The following TRPM3 variants were observed in gnomAD, a reference collection of about 807,000 sequenced individuals.
The protein encoded by TRPM3 is long transient receptor potential channel 3.
In TRPM3, 77 loss-of-function variants were observed where a neutral mutation model predicts 181.2. The ratio of observed to expected loss-of-function variants is 0.42; its 90% CI spans 0.35 to 0.51. The LOEUF (loss-of-function observed/expected upper bound fraction) is 0.51. Ranked by LOEUF, TRPM3 falls within the 20% of genes least tolerant of loss-of-function variation. The pLI is 0.01. For missense variants in TRPM3, 1,759 were observed against 2,196.7 expected (o/e 0.80, Z 3.98); for synonymous variants, 745 against 796.4 (o/e 0.94, Z 1.09).
chr9:70,652,068 C>T (rs2059665850), intron 9 of TRPM3, among the ~76,000 whole-genome samples: 1 of 152,032 alleles, frequency 6.6e-6, no homozygotes, highest in African/African-American at 2.4e-5. Flanking sequence ...GTTGATATGA[C>T]AGATATTCTG....
intron 14 of TRPM3, among the ~76,000 whole-genome samples, chr9:70,623,165 G>C (rs1363868604): frequency 6.6e-6 from 1 of 152,044 alleles, no homozygotes; most frequent in Non-Finnish European, 1.5e-5. Context: ...AAGAGTTTAA[G>C]ACCAGCCTGG....
At position 71,437,405 on chromosome 9, in the gene TRPM3, G is replaced by T. The variant is rs115303630; in HGVS notation, c.183+9248C>A. On this transcript the variant is annotated intron_variant, in intron 1 of 24. Coordinates refer to the TRPM3 transcript ENST00000357533. ...TTTTTAAATGGTTAAAATATCAAAA[G>T]AATAATATTTCATAAGGTAAAAATT... 9.8e-3 allele frequency among the ~76,000 whole-genome samples: 1,484 copies of T among 152,190 alleles called. 21 individuals are homozygous for T. Among genetic ancestry groups the T allele is most frequent in the African/African-American group, 0.034 (1,409 of 41,522 alleles).
chr9:70,537,022 T>C lies in TRPM3; in HGVS notation c.4091A>G (p.Lys1364Arg). Residue 1364 changes from lysine (K) to arginine (R), a missense_variant, in exon 26 of 26, where the codon AAG becomes AGG. This residue lies in a region of TRPM3 where 612 missense variants were observed against 590.0 expected (regional missense o/e 1.04). Transcript: ENST00000677713. ...CCTTTCTTTAAAAATACTTTCCAAC[T>C]TTTCTATACCACCTTTGTCTTTCAT... is the stretch of plus-strand genomic sequence containing the variant. The part of the protein sequence containing the change: ...VNMKDKGGIE[K>R]LESIFKERSL... 3 of 1,610,246 alleles carry C rather than the reference T, an allele frequency of 1.9e-6. No homozygotes were observed. The highest frequency in any genetic ancestry group is 2.5e-6 in the Non-Finnish European group (3 of 1,176,752).
chr9:71,099,040 A>G (rs1222978858), intron 1 of TRPM3, among the ~76,000 whole-genome samples: 2 of 152,154 alleles, frequency 1.3e-5, no homozygotes, highest in Admixed American at 6.6e-5. Context: ...AGCCAAAGCA[A>G]TATTAGCTGA....
chr9:70,858,658 G>A (rs922903254), intron 3 of TRPM3, among the ~76,000 whole-genome samples: 5 of 152,070 alleles, frequency 3.3e-5, no homozygotes, highest in African/African-American at 9.6e-5. Context: ...GTTTACGCTC[G>A]TAGGGACAGC....
At chr9:71,239,432 T>G (rs2081538913) in intron 1 of TRPM3, among the ~76,000 whole-genome samples, 1 of 152,154 alleles carries the variant, frequency 6.6e-6, no homozygotes. Context: ...ATTCTCTAAC[T>G]CTAACGGGTG....
rs181553417 is a variant in TRPM3, at chr9:70,993,637, G to A, written c.177+127541C>T. Among the ~76,000 whole-genome samples, 7 of 152,182 alleles carry A rather than the reference G, an allele frequency of 4.6e-5. No individual in the cohort carries two copies. In the East Asian group the frequency reaches 1.4e-3, roughly 29 times the overall value. ...CAGAACTGGAAATGCAGATTTGAGA[G>A]TTACCAAGTCGAGATGGTCTTTGAC... On this transcript the variant is annotated intron_variant, in intron 1 of 25. Transcript: ENST00000677713.
At chr9:70,596,995 T>G (rs886725269) in intron 21 of TRPM3, among the ~76,000 whole-genome samples, 1 of 152,034 alleles carries the variant, frequency 6.6e-6, no homozygotes. Context: ...AGTGCAATGG[T>G]GTGATCTTGG....
At chr9:71,248,601 C>T (rs2082168468) in intron 1 of TRPM3, among the ~76,000 whole-genome samples, 1 of 152,138 alleles carries the variant, frequency 6.6e-6, no homozygotes, top group Non-Finnish European at 1.5e-5. Flanking sequence ...TTATTTGTTG[C>T]AAATCCTGTC....
chr9:70,974,177 T>G (rs1474633120), intron 1 of TRPM3, among the ~76,000 whole-genome samples: 1 of 152,158 alleles, frequency 6.6e-6, no homozygotes, highest in African/African-American at 2.4e-5. Flanking sequence ...TTTTTTTCCC[T>G]TGATACAACA....
At chr9:71,129,107 A>G (rs2074220749) in intron 1 of TRPM3, among the ~76,000 whole-genome samples, 1 of 152,204 alleles carries the variant, frequency 6.6e-6, no homozygotes, top group Admixed American at 6.5e-5. Context: ...CGTACTTGCT[A>G]TCTATTTTTG....
chr9:70,644,119 T>C (rs1489549503), intron 9 of TRPM3, among the ~76,000 whole-genome samples: 7 of 152,204 alleles, frequency 4.6e-5, no homozygotes, highest in Non-Finnish European at 8.8e-5. Context: ...TGATTTGTCA[T>C]TGAACGTCCA....
At chr9:70,773,392 A>T (rs189081785) in intron 7 of TRPM3, among the ~76,000 whole-genome samples, 1 of 152,320 alleles carries the variant, frequency 6.6e-6, no homozygotes, top group East Asian at 1.9e-4. Context: ...TTTATGAAAT[A>T]AAGTGCCTAG....
At chr9:71,425,213 T>G (rs2093842832) in intron 1 of TRPM3, among the ~76,000 whole-genome samples, 1 of 152,174 alleles carries the variant, frequency 6.6e-6, no homozygotes, top group Non-Finnish European at 1.5e-5. Context: ...TAACATCATG[T>G]GTTCATGGGC....
intron 1 of TRPM3, among the ~76,000 whole-genome samples, chr9:71,345,078 A>G (rs1244556975): frequency 1.3e-5 from 2 of 152,232 alleles, no homozygotes; most frequent in Non-Finnish European, 2.9e-5. Context: ...ATCATTAAAA[A>G]GTCAGGAAAT....
At chr9:70,650,374 T>G (rs2059453272) in intron 9 of TRPM3, among the ~76,000 whole-genome samples, 1 of 152,146 alleles carries the variant, frequency 6.6e-6, no homozygotes, top group South Asian at 2.1e-4. Context: ...CATAAAAGAC[T>G]TGGTCATTTT....
At chr9:71,308,035 A>G (rs1344501368) in intron 1 of TRPM3, among the ~76,000 whole-genome samples, 3 of 150,824 alleles carry the variant, frequency 2.0e-5, no homozygotes, top group Non-Finnish European at 1.5e-5. Context: ...CAGTAGCACA[A>G]TCTTGGCTCA....
intron 1 of TRPM3, among the ~76,000 whole-genome samples, chr9:71,052,780 T>C (rs183589168): frequency 2.6e-5 from 4 of 151,902 alleles, no homozygotes; most frequent in Non-Finnish European, 5.9e-5. Flanking sequence ...ATGGCCAAAG[T>C]ACCATCATCT....
chr9:70,836,568 T>G (rs2094337699), intron 5 of TRPM3, among the ~76,000 whole-genome samples: 1 of 152,180 alleles, frequency 6.6e-6, no homozygotes, highest in South Asian at 2.1e-4. Context: ...TTGATAGAAC[T>G]TGGCATTGCA....
Sources: gnomAD v4.1 joint callset for allele counts (sites outside exome capture counted in the v4.1 genomes callset) on GRCh38, gnomAD v4.1.1 for gene constraint, gnomAD v4.1.1 regional missense constraint, MANE v1.5 for transcripts, NCBI Gene and HGNC (gene_info 2026-07-23, HGNC 2026-07-21) for gene names.